Variants in KIAA1958 observed in about 807,000 individuals in gnomAD.
KIAA1958 encodes the protein uncharacterized protein KIAA1958.
KIAA1958 carries 14 observed loss-of-function variants against 47.2 expected under a neutral mutation model. That is an observed-to-expected ratio of 0.30 (90% CI 0.20 to 0.46). KIAA1958 has a LOEUF of 0.46. KIAA1958 is among the 20% of genes least tolerant of loss of function. KIAA1958 has a pLI of 1.00. For synonymous variants in KIAA1958, 354 were observed against 353.3 expected, an observed-to-expected ratio of 1.00 and a Z score of -0.02; for missense variants, 803 against 909.2, an observed-to-expected ratio of 0.88 and a Z score of 1.50.
At chr9:112,625,028 C>A (rs918613371) in intron 2 of KIAA1958, among the ~76,000 whole-genome samples, 1 of 12,024 alleles carries the variant, frequency 8.3e-5, no homozygotes, top group Admixed American at 5.9e-4. Context: ...TTTCCTACCC[C>A]CTCCCCTCCT....
intron 3 of KIAA1958, 31 bp downstream of exon 3, chr9:112,645,853 C>G: frequency 1.9e-6 from 3 of 1,595,720 alleles, no homozygotes; most frequent in East Asian, 4.5e-5. Context: ...CTTCTTTCAG[C>G]CAACTTCACT....
chr9:112,487,940 T>TGC (rs1554718552), intron 1 of KIAA1958, among the ~76,000 whole-genome samples: 1 of 86,326 alleles, frequency 1.2e-5, no homozygotes, highest in Non-Finnish European at 2.2e-5. Flanking sequence ...GTATTTAGTG[T>TGC]GTGTGCGTGT....
At chr9:112,553,106 C>T (rs1188364498) in intron 1 of KIAA1958, among the ~76,000 whole-genome samples, 5 of 149,954 alleles carry the variant, frequency 3.3e-5, no homozygotes, top group South Asian at 4.3e-4. Context: ...CTTTCTTCTC[C>T]TCTCCTTGTC....
At chr9:112,559,427 G>C (rs1425935730) in intron 1 of KIAA1958, among the ~76,000 whole-genome samples, 1 of 152,176 alleles carries the variant, frequency 6.6e-6, no homozygotes, top group East Asian at 1.9e-4. Flanking sequence ...AGGGAAGAGA[G>C]GGTTTCAAGT....
intron 1 of KIAA1958, among the ~76,000 whole-genome samples, chr9:112,518,221 A>T (rs535803311): frequency 6.6e-6 from 1 of 152,312 alleles, no homozygotes; most frequent in African/African-American, 2.4e-5. Context: ...AAGGCTAATT[A>T]AAAAAAGAAA....
chr9:112,606,624 TATC>T (rs1836240403), intron 2 of KIAA1958, among the ~76,000 whole-genome samples: 1 of 152,230 alleles, frequency 6.6e-6, no homozygotes, highest in Admixed American at 6.5e-5. Flanking sequence ...GAAAATTTTT[TATC>T]ATCAGCATTA....
intron 1 of KIAA1958, among the ~76,000 whole-genome samples, chr9:112,529,090 G>A (rs541815548): frequency 4.6e-5 from 7 of 152,284 alleles, no homozygotes; most frequent in African/African-American, 1.7e-4. Context: ...CCAGGAGGTG[G>A]TCTAACAATG....
chr9:112,576,386 CTT>C (rs1374666513), intron 2 of KIAA1958, among the ~76,000 whole-genome samples: 1 of 152,064 alleles, frequency 6.6e-6, no homozygotes, highest in African/African-American at 2.4e-5. Context: ...AAAATTCACT[CTT>C]TTAAAGTGTA....
At chr9:112,649,967 T>A (rs1041358587) in intron 3 of KIAA1958, among the ~76,000 whole-genome samples, 6 of 152,120 alleles carry the variant, frequency 3.9e-5, no homozygotes, top group Non-Finnish European at 7.4e-5. Context: ...TTTAAAATTT[T>A]AAATTTTCTT....
intron 1 of KIAA1958, among the ~76,000 whole-genome samples, chr9:112,570,827 C>G (rs1004488880): frequency 2.0e-5 from 3 of 152,180 alleles, no homozygotes; most frequent in Non-Finnish European, 4.4e-5. Context: ...GCTGGAAACC[C>G]TGGGATGCTG....
At chr9:112,555,116 A>G (rs1246468112) in intron 1 of KIAA1958, among the ~76,000 whole-genome samples, 1 of 152,184 alleles carries the variant, frequency 6.6e-6, no homozygotes, top group Non-Finnish European at 1.5e-5. Context: ...CCTCCCAGAA[A>G]AATTAGTGGG....
chr9:112,618,363 G>A lies in KIAA1958; in HGVS notation c.1172-27287G>A. ...TGGCTCAACAACACAAAAGCTTTTG[G>A]GCATTGCACAGGCTTCCATGGATCT... is the stretch of plus-strand genomic sequence containing the variant. On this transcript the variant is annotated intron_variant, in intron 2 of 3. Coordinates refer to ENST00000337530, the MANE Select transcript of KIAA1958 (RefSeq NM_133465.4). The surrounding 1 kb of genome is among the most constrained non-coding windows in gnomAD (Gnocchi z 7.1). The A allele has an allele frequency of 6.4e-7, 1 of 1,551,246 alleles. No individual in the cohort carries two copies. Among genetic ancestry groups the A allele is most frequent in the Non-Finnish European group, 8.7e-7 (1 of 1,147,138 alleles).
intron 1 of KIAA1958, among the ~76,000 whole-genome samples, chr9:112,562,328 G>A (rs191859957): frequency 9.2e-5 from 14 of 152,226 alleles, no homozygotes; most frequent in African/African-American, 2.4e-4. Flanking sequence ...CTAAGGGACC[G>A]AGAGGTAAAA....
chr9:112,633,785 C>T (rs990706608), intron 2 of KIAA1958, among the ~76,000 whole-genome samples: 2 of 152,118 alleles, frequency 1.3e-5, no homozygotes, highest in Non-Finnish European at 2.9e-5. Flanking sequence ...CTTTTGTATA[C>T]AGTTCACTCC....
chr9:112,509,200 C>CTTT (rs67222850), intron 1 of KIAA1958, among the ~76,000 whole-genome samples: 5 of 113,142 alleles, frequency 4.4e-5, no homozygotes, highest in African/African-American at 6.7e-5. Context: ...CAGGCCCATT[C>CTTT]TTTTTTTTTT....
At chr9:112,547,347 C>A (rs1169268477) in intron 1 of KIAA1958, among the ~76,000 whole-genome samples, 1 of 143,180 alleles carries the variant, frequency 7.0e-6, no homozygotes. Context: ...CACTGCACCA[C>A]AGCCTGGGTG....
chr9:112,499,536 ATAT>A (rs1464106996), intron 1 of KIAA1958, among the ~76,000 whole-genome samples: 2 of 152,134 alleles, frequency 1.3e-5, no homozygotes, highest in Admixed American at 1.3e-4. Context: ...TATATTCATA[ATAT>A]TCTGCCTATG....
intron 1 of KIAA1958, among the ~76,000 whole-genome samples, chr9:112,516,372 ATTAACTAT>A (rs1442847399): frequency 6.6e-6 from 1 of 152,180 alleles, no homozygotes; most frequent in Non-Finnish European, 1.5e-5. Context: ...CATCAAAAAC[ATTAACTAT>A]TTAGCGATAA....
At chr9:112,552,854 G>C (rs1412776281) in intron 1 of KIAA1958, among the ~76,000 whole-genome samples, 1 of 152,124 alleles carries the variant, frequency 6.6e-6, no homozygotes, top group Non-Finnish European at 1.5e-5. Flanking sequence ...GCATGGAGCT[G>C]TGTACCATTC....
Sources: gnomAD v4.1 joint callset for allele counts (sites outside exome capture counted in the v4.1 genomes callset) on GRCh38, gnomAD v4.1.1 for gene constraint, Gnocchi (gnomAD v3.1) non-coding constraint, MANE v1.5 for transcripts, NCBI Gene and HGNC (gene_info 2026-07-23, HGNC 2026-07-21) for gene names.